FOXN3: variants seen among roughly 807,000 people sequenced by gnomAD.
The protein encoded by FOXN3 is forkhead box N3, also known as forkhead box protein N3.
FOXN3 carries 7 observed loss-of-function variants against 38.4 expected under a neutral mutation model. That is an observed-to-expected ratio of 0.18 (90% CI 0.10 to 0.34). FOXN3 has a LOEUF of 0.34. FOXN3 is among the 10% of genes least tolerant of loss of function. The pLI is 1.00. For synonymous variants in FOXN3, 230 were observed against 242.2 expected (o/e 0.95, Z 0.47); for missense variants, 456 against 613.4 (o/e 0.74, Z 2.71).
intron 1 of FOXN3, among the ~76,000 whole-genome samples, chr14:89,512,720 T>C (rs1268407877): frequency 2.0e-5 from 3 of 152,226 alleles, no homozygotes; most frequent in Non-Finnish European, 2.9e-5. Context: ...CAGCTCAAAA[T>C]AATCAATGTG....
rs746187182 is a variant in FOXN3, at chr14:89,162,407, CTTG to C, written c.*4_*6del. ...TCGTAAGTTCAAAACAAATCAGTGA[CTTG>C]TTTTTAATTTTTTGTGGTTTCCTTT... On this transcript the variant is annotated 3_prime_UTR_variant, in exon 6 of 6. Coordinates refer to ENST00000557258, the MANE Select transcript of FOXN3 (RefSeq NM_005197.4). The surrounding 1 kb of genome is among the most constrained non-coding windows in gnomAD (Gnocchi z 7.2). 6.5e-7 allele frequency: 1 copy of C among 1,537,778 alleles called. No individual in the cohort carries two copies. Among genetic ancestry groups the C allele is most frequent in the South Asian group, 1.3e-5 (1 of 78,970 alleles).
intron 5 of FOXN3, among the ~76,000 whole-genome samples, chr14:89,168,696 C>T (rs1887305688): frequency 6.6e-6 from 1 of 152,138 alleles, no homozygotes; most frequent in African/African-American, 2.4e-5. Flanking sequence ...AGATTCAATA[C>T]TTGAATAGAA....
intron 1 of FOXN3, among the ~76,000 whole-genome samples, chr14:89,457,428 C>T (rs544214708): frequency 2.0e-5 from 3 of 152,248 alleles, no homozygotes; most frequent in South Asian, 4.1e-4. Context: ...GCATGGAACC[C>T]GGAGCCTAAT....
intron 1 of FOXN3, among the ~76,000 whole-genome samples, chr14:89,552,937 A>G (rs917041137): frequency 5.3e-5 from 8 of 152,090 alleles, no homozygotes; most frequent in African/African-American, 1.9e-4. Context: ...GACTCTTTCA[A>G]ACACCCCATT....
At chr14:89,375,081 T>C (rs1322861332) in intron 2 of FOXN3, among the ~76,000 whole-genome samples, 1 of 152,096 alleles carries the variant, frequency 6.6e-6, no homozygotes, top group East Asian at 1.9e-4. Context: ...CTTCTGTGGC[T>C]GCCTGAGGGT....
chr14:89,282,193 C>T (rs960287936), intron 3 of FOXN3, among the ~76,000 whole-genome samples: 7 of 152,156 alleles, frequency 4.6e-5, no homozygotes, highest in African/African-American at 1.7e-4. Context: ...AAATGAGCTA[C>T]AGCACAAAAA....
At chr14:89,450,519 G>T (rs1458779249) in intron 1 of FOXN3, among the ~76,000 whole-genome samples, 3 of 151,966 alleles carry the variant, frequency 2.0e-5, no homozygotes, top group African/African-American at 7.3e-5. Flanking sequence ...CTGCCAACGA[G>T]GGGCAGGAAT....
rs565250256 is a variant in FOXN3, at chr14:89,272,183, G to C, written c.745+8767C>G. 3.9e-5 allele frequency among the ~76,000 whole-genome samples: 6 copies of C among 152,150 alleles called. No homozygotes were observed. The South Asian group carries it at 8.3e-4, about 21-fold the overall frequency. ...AAAAATTACCCGGGTGTGGTGGCACGCGTCTCTAATCCCAGCTACTTTGGG... is the reference window on the plus strand; with the variant it reads ...AAAAATTACCCGGGTGTGGTGGCACCCGTCTCTAATCCCAGCTACTTTGGG... On this transcript the variant is annotated intron_variant, in intron 4 of 5. Coordinates refer to ENST00000557258, the MANE Select transcript of FOXN3 (RefSeq NM_005197.4).
At chr14:89,351,256 CG>C (rs1246927976) in intron 2 of FOXN3, 1 of 152,402 alleles carries the variant, frequency 6.6e-6, no homozygotes, top group Non-Finnish European at 1.5e-5. Context: ...CATATGACAT[CG>C]GGATCATTTT....
intron 3 of FOXN3, among the ~76,000 whole-genome samples, chr14:89,281,623 G>C (rs143125084): frequency 1.8e-4 from 28 of 152,238 alleles, no homozygotes; most frequent in Non-Finnish European, 3.7e-4. Flanking sequence ...GTGGTAACAG[G>C]AGAGGCAAGA....
intron 2 of FOXN3, among the ~76,000 whole-genome samples, chr14:89,366,598 T>A (rs1566969768): frequency 6.6e-6 from 1 of 152,250 alleles, no homozygotes; most frequent in Non-Finnish European, 1.5e-5. Context: ...ATAATGTGTT[T>A]AAATACATAA....
At chr14:89,600,365 A>C (rs936801963) in intron 1 of FOXN3, among the ~76,000 whole-genome samples, 30 of 152,212 alleles carry the variant, frequency 2.0e-4, no homozygotes, top group African/African-American at 6.8e-4. Context: ...GGGATCAGAA[A>C]GGGCTCATTT....
intron 1 of FOXN3, among the ~76,000 whole-genome samples, chr14:89,511,193 T>C (rs147954312): frequency 0.016 from 249 of 15,884 alleles, 72 homozygotes; most frequent in Non-Finnish European, 0.04. Context: ...TTCTTTCTTT[T>C]CTTTCTTTCT....
At chr14:89,188,489 A>G (rs1428621768) in intron 4 of FOXN3, among the ~76,000 whole-genome samples, 1 of 152,182 alleles carries the variant, frequency 6.6e-6, no homozygotes, top group African/African-American at 2.4e-5. Flanking sequence ...CTCTTCTCCA[A>G]AATGGCAGCT....
At chr14:89,526,486 A>C (rs1168336571) in intron 1 of FOXN3, among the ~76,000 whole-genome samples, 1 of 152,194 alleles carries the variant, frequency 6.6e-6, no homozygotes, top group African/African-American at 2.4e-5. Context: ...TCAGAAACAA[A>C]AATAAACAAT....
chr14:89,547,166 T>C (rs1596313820), intron 1 of FOXN3, among the ~76,000 whole-genome samples: 1 of 152,308 alleles, frequency 6.6e-6, no homozygotes, highest in South Asian at 2.1e-4. Context: ...GAATGTGAAA[T>C]TGGATAACCA....
chr14:89,537,627 C>T (rs909619232), intron 1 of FOXN3, among the ~76,000 whole-genome samples: 5 of 152,232 alleles, frequency 3.3e-5, no homozygotes, highest in Admixed American at 3.3e-4. Flanking sequence ...CTTCCAACCT[C>T]TTGTTGGGGC....
chr14:89,432,591 A>G (rs1374647764), intron 1 of FOXN3, among the ~76,000 whole-genome samples: 3 of 152,176 alleles, frequency 2.0e-5, no homozygotes, highest in African/African-American at 4.8e-5. Flanking sequence ...CTCATTTGCC[A>G]GAAGTGAAAT....
intron 4 of FOXN3, among the ~76,000 whole-genome samples, chr14:89,245,281 C>A (rs1400893215): frequency 6.6e-6 from 1 of 152,304 alleles, no homozygotes; most frequent in Non-Finnish European, 1.5e-5. Context: ...CTCTTTCCAT[C>A]TTCCTGACGC....
Sources: allele counts gnomAD v4.1 joint callset (sites outside exome capture counted in the v4.1 genomes callset), GRCh38; gene constraint gnomAD v4.1.1; non-coding constraint Gnocchi (gnomAD v3.1); transcripts MANE v1.5; gene names NCBI Gene and HGNC (gene_info 2026-07-23, HGNC 2026-07-21).